Variants in CD226 observed in about 807,000 individuals in gnomAD.
CD226 encodes the protein CD226 molecule, also known as CD226 antigen.
In CD226, 24 loss-of-function variants were observed where a neutral mutation model predicts 34.9. That is an observed-to-expected ratio of 0.69 (90% CI 0.50 to 0.97). The LOEUF (loss-of-function observed/expected upper bound fraction) is 0.97. CD226 is among the 50% of genes least tolerant of loss of function. CD226 has a pLI of 0.00. For synonymous variants in CD226, 148 were observed against 147.4 expected (o/e 1.00, Z -0.03); for missense variants, 397 against 412.7 (o/e 0.96, Z 0.33).
At position 69,876,160 on chromosome 18, in the gene CD226, C is replaced by T. The variant is rs901442491; in HGVS notation, c.728-2914G>A. Among the ~76,000 whole-genome samples the T allele has an allele frequency of 7.2e-5, 11 of 151,942 alleles. No individual in the cohort carries two copies. The East Asian group carries it at 9.6e-4, about 13-fold the overall frequency. On this transcript the variant is annotated intron_variant, in intron 3 of 5. Transcript: ENST00000582621. The stretch of plus-strand genomic sequence containing the variant: ...TTTTATATTTTCCAAATTTTCTAGA[C>T]GATGTGTTCATTTTGTGATCAGGCA...
intron 2 of CD226, among the ~76,000 whole-genome samples, chr18:69,899,744 G>T (rs1243625605): frequency 6.6e-6 from 1 of 152,180 alleles, no homozygotes; most frequent in Non-Finnish European, 1.5e-5. Context: ...TCTCATACCA[G>T]TCAGAATGGC....
At chr18:69,952,037 A>G (rs1446529897), upstream of CD226, among the ~76,000 whole-genome samples, 1 of 152,218 alleles carries the variant, frequency 6.6e-6, no homozygotes, top group Non-Finnish European at 1.5e-5. Flanking sequence ...GTGCCCATCA[A>G]TGAAGGGTTA....
At chr18:69,907,534 T>C (rs1334997480) in intron 2 of CD226, among the ~76,000 whole-genome samples, 1 of 152,214 alleles carries the variant, frequency 6.6e-6, no homozygotes, top group Non-Finnish European at 1.5e-5. Context: ...GGTCTCGAAC[T>C]CCTGATCTCA....
intron 2 of CD226, among the ~76,000 whole-genome samples, chr18:69,924,667 G>T (rs1164575564): frequency 1.7e-5 from 2 of 120,564 alleles, no homozygotes; most frequent in Non-Finnish European, 3.4e-5. Context: ...AAAGTCAAAG[G>T]GCAACAGTAG....
chr18:69,867,269 T>A, intron 5 of CD226, 88 bp downstream of exon 5: 1 of 832,374 alleles, frequency 1.2e-6, no homozygotes, highest in Admixed American at 1.9e-5. Flanking sequence ...GAAAGGACAA[T>A]AAAATATAAG....
chr18:69,876,891 T>G (rs1360394412), intron 3 of CD226, among the ~76,000 whole-genome samples: 13 of 125,010 alleles, frequency 1.0e-4, no homozygotes, highest in Admixed American at 4.9e-4. Context: ...TGAGACGGAG[T>G]CTCGCTCTGT....
At chr18:69,887,687 C>T (rs1257335901) in intron 3 of CD226, among the ~76,000 whole-genome samples, 3 of 152,180 alleles carry the variant, frequency 2.0e-5, no homozygotes, top group African/African-American at 7.2e-5. Context: ...GTGAAAGACT[C>T]TCTCCCTGTG....
At chr18:69,871,016 A>C (rs1215934860) in intron 4 of CD226, among the ~76,000 whole-genome samples, 1 of 152,236 alleles carries the variant, frequency 6.6e-6, no homozygotes, top group African/African-American at 2.4e-5. Context: ...CATTTAACCA[A>C]GTGGGACAAT....
At chr18:69,866,470 C>T (rs1051770588) in intron 5 of CD226, among the ~76,000 whole-genome samples, 2 of 152,104 alleles carry the variant, frequency 1.3e-5, no homozygotes, top group African/African-American at 4.8e-5. Context: ...TACAGCTCAT[C>T]AAACTCCTGC....
upstream of CD226, among the ~76,000 whole-genome samples, chr18:69,960,249 A>G (rs958326439): frequency 1.6e-4 from 24 of 151,910 alleles, no homozygotes; most frequent in East Asian, 9.7e-4. Flanking sequence ...TAAAAAAAAA[A>G]AAAAGAAAAG....
At chr18:69,915,560 GC>G (rs1213910163) in intron 2 of CD226, among the ~76,000 whole-genome samples, 10 of 152,072 alleles carry the variant, frequency 6.6e-5, no homozygotes, top group Non-Finnish European at 1.3e-4. Flanking sequence ...CTATTGCTAC[GC>G]GCCATTTTTT....
intron 2 of CD226, chr18:69,944,512 C>G (rs976262033): frequency 1.3e-5 from 2 of 152,236 alleles, no homozygotes; most frequent in East Asian, 3.8e-4. Context: ...ATTTAGTTCT[C>G]TACAGGTTAG....
intron 2 of CD226, among the ~76,000 whole-genome samples, chr18:69,901,417 A>C (rs375809283): frequency 6.6e-6 from 1 of 152,162 alleles, no homozygotes; most frequent in African/African-American, 2.4e-5. Flanking sequence ...TAATGGCTGG[A>C]ATTTGCTTCA....
At chr18:69,890,091 TTA>T (rs1984800423) in intron 3 of CD226, among the ~76,000 whole-genome samples, 1 of 151,984 alleles carries the variant, frequency 6.6e-6, no homozygotes, top group Non-Finnish European at 1.5e-5. Flanking sequence ...ACCTCAAAGG[TTA>T]AACGTTGAAG....
intron 4 of CD226, among the ~76,000 whole-genome samples, chr18:69,869,098 A>G (rs977008812): frequency 1.3e-5 from 2 of 152,236 alleles, no homozygotes; most frequent in African/African-American, 4.8e-5. Flanking sequence ...CAGTGTGGTG[A>G]TTCCTCAAAA....
At chr18:69,881,104 G>A (rs1402377315) in intron 3 of CD226, among the ~76,000 whole-genome samples, 1 of 152,160 alleles carries the variant, frequency 6.6e-6, no homozygotes, top group African/African-American at 2.4e-5. Context: ...ACTCTACATT[G>A]TATACATATG....
chr18:69,917,638 G>A (rs2055401683), intron 2 of CD226, among the ~76,000 whole-genome samples: 1 of 152,182 alleles, frequency 6.6e-6, no homozygotes, highest in Non-Finnish European at 1.5e-5. Flanking sequence ...TAGTGAGTTA[G>A]CGCTGTCAGT....
chr18:69,935,332 T>C (rs1375898077), intron 2 of CD226, among the ~76,000 whole-genome samples: 1 of 152,182 alleles, frequency 6.6e-6, no homozygotes, highest in African/African-American at 2.4e-5. Context: ...ACTAATCCTA[T>C]AAGGAAGTTT....
chr18:69,864,367 C>A lies in CD226; in HGVS notation c.958G>T (p.Asp320Tyr), dbSNP rs1045621268. 6.2e-7 allele frequency: 1 copy of A among 1,613,564 alleles called. No individual in the cohort carries two copies. ...AAGGTTGGATAGTTGACATAAATAT[C>A]CTCTCTTGTATCATCCATGGATTGA... ...TNQSMDDTRE[D>Y]IYVNYPTFSR... Residue 320 changes from aspartate (D) to tyrosine (Y), a missense_variant, in exon 6 of 6, where the codon GAT (aspartate) becomes TAT (tyrosine). By Grantham distance (160) the Asp-to-Tyr change is radical. Transcript: ENST00000582621.
Sources: gnomAD v4.1 joint callset for allele counts (sites outside exome capture counted in the v4.1 genomes callset) on GRCh38, gnomAD v4.1.1 for gene constraint, MANE v1.5 for transcripts, NCBI Gene and HGNC (gene_info 2026-07-23, HGNC 2026-07-21) for gene names.